The following LINC01488 variants were observed in gnomAD, a reference collection of about 807,000 sequenced individuals.
The protein encoded by LINC01488 is CCND1-upstream intergenic DNA repair 1.
intron 1 of LINC01488, chr11:69,490,405 G>C (rs1230112112): frequency 6.6e-6 from 1 of 152,318 alleles, no homozygotes; most frequent in Non-Finnish European, 1.5e-5. Flanking sequence ...CTTTCATCCA[G>C]TTCTTCTTGA....
Position 69,485,365 on chromosome 11 carries a change from G to T in LINC01488, n.122+3582G>T, listed in dbSNP as rs913056240. 7.9e-5 allele frequency among the ~76,000 whole-genome samples: 12 copies of T among 152,182 alleles called. 1 individual carries two copies. The highest frequency in any genetic ancestry group is 7.2e-4 in the Admixed American group (11 of 15,284). On this transcript the variant is annotated intron_variant and non_coding_transcript_variant, in intron 1 of 3. Transcript: ENST00000644563. The stretch of plus-strand genomic sequence containing the variant: ...GGGCTCAGGAGTTCTTGGAGTCAGG[G>T]TTGATGATGCCACTGACCTCACTGG...
intron 1 of LINC01488, among the ~76,000 whole-genome samples, chr11:69,486,668 C>A (rs1857125544): frequency 1.3e-5 from 2 of 152,158 alleles, no homozygotes; most frequent in Admixed American, 1.3e-4. Context: ...AGGGGACAGC[C>A]TATGGGGACA....
chr11:69,482,228 C>T (rs1455860483), intron 1 of LINC01488, among the ~76,000 whole-genome samples: 3 of 152,168 alleles, frequency 2.0e-5, no homozygotes, highest in African/African-American at 7.2e-5. Context: ...GGGGAACTCC[C>T]ATTTATAAAA....
chr11:69,487,850 A>T (rs1421590290), intron 1 of LINC01488: 1 of 152,184 alleles, frequency 6.6e-6, no homozygotes, highest in Non-Finnish European at 1.5e-5. Flanking sequence ...GCTTCCCCAC[A>T]GTGATAGCCT....
intron 1 of LINC01488, among the ~76,000 whole-genome samples, chr11:69,489,812 G>A (rs952267381): frequency 6.6e-6 from 1 of 152,232 alleles, no homozygotes; most frequent in African/African-American, 2.4e-5. Context: ...CCTCCCAGGG[G>A]CTGGCAGGCT....
intron 1 of LINC01488, among the ~76,000 whole-genome samples, chr11:69,486,567 G>A (rs1431904315): frequency 6.6e-6 from 1 of 152,246 alleles, no homozygotes; most frequent in Non-Finnish European, 1.5e-5. Flanking sequence ...CAGGGCCAGG[G>A]AAGCTGGAGG....
intron 1 of LINC01488, among the ~76,000 whole-genome samples, chr11:69,489,116 CA>C (rs1857172894): frequency 6.6e-6 from 1 of 152,200 alleles, no homozygotes; most frequent in Non-Finnish European, 1.5e-5. Flanking sequence ...CTGTGGCCCC[CA>C]AACGCCCCTC....
chr11:69,488,549 A>G (rs1178284684), intron 1 of LINC01488, among the ~76,000 whole-genome samples: 1 of 152,200 alleles, frequency 6.6e-6, no homozygotes, highest in Non-Finnish European at 1.5e-5. Context: ...CGCCTTTGTC[A>G]AACCCTGGAG....
intron 1 of LINC01488, among the ~76,000 whole-genome samples, chr11:69,486,756 C>T (rs545833345): frequency 3.9e-5 from 6 of 152,282 alleles, no homozygotes; most frequent in African/African-American, 7.2e-5. Flanking sequence ...TAAGCCCCCG[C>T]GATGGGTGGC....
chr11:69,484,634 G>A (rs1169183301), intron 1 of LINC01488, among the ~76,000 whole-genome samples: 1 of 152,242 alleles, frequency 6.6e-6, no homozygotes, highest in Non-Finnish European at 1.5e-5. Context: ...GTTTCTGGAA[G>A]GAGAAGAGGA....
At chr11:69,483,462 A>C (rs1488557912) in intron 1 of LINC01488, among the ~76,000 whole-genome samples, 1 of 152,240 alleles carries the variant, frequency 6.6e-6, no homozygotes, top group Non-Finnish European at 1.5e-5. Context: ...AATGAGGGAC[A>C]TTCATGGGAT....
At chr11:69,489,852 G>T (rs1277124358) in intron 1 of LINC01488, among the ~76,000 whole-genome samples, 1 of 152,178 alleles carries the variant, frequency 6.6e-6, no homozygotes, top group Admixed American at 6.5e-5. Context: ...GCCCTCTGTA[G>T]CCCCATCCCG....
At chr11:69,489,809 G>A (rs75221763) in intron 1 of LINC01488, among the ~76,000 whole-genome samples, 23,408 of 152,266 alleles carry the variant, frequency 0.15, 2,141 homozygotes, top group Admixed American at 0.24. Context: ...GAGCCTCCCA[G>A]GGGCTGGCAG....
intron 1 of LINC01488, among the ~76,000 whole-genome samples, chr11:69,489,325 C>T (rs995308300): frequency 1.3e-5 from 2 of 152,238 alleles, no homozygotes; most frequent in Non-Finnish European, 2.9e-5. Context: ...CAGGTCTTTC[C>T]TTCTGCCTCC....
chr11:69,484,523 C>G (rs12286543), intron 1 of LINC01488, among the ~76,000 whole-genome samples: 5,891 of 152,304 alleles, frequency 0.039, 390 homozygotes, highest in African/African-American at 0.13. Context: ...CCCAAGGACA[C>G]TTACAGAGGT....
At chr11:69,487,596 T>C (rs1357009816) in intron 1 of LINC01488, among the ~76,000 whole-genome samples, 1 of 152,154 alleles carries the variant, frequency 6.6e-6, no homozygotes, top group East Asian at 1.9e-4. Flanking sequence ...CCGTCGGTCA[T>C]GGCGCTGGGC....
intron 1 of LINC01488, among the ~76,000 whole-genome samples, chr11:69,483,661 T>C (rs1857069920): frequency 6.6e-6 from 1 of 152,182 alleles, no homozygotes; most frequent in Admixed American, 6.5e-5. Flanking sequence ...AGGGGGCTTT[T>C]GCTTAGCAGA....
chr11:69,487,847 C>T (rs1052313610), intron 1 of LINC01488: 1 of 152,374 alleles, frequency 6.6e-6, no homozygotes, highest in Admixed American at 6.5e-5. Flanking sequence ...TCTGCTTCCC[C>T]ACAGTGATAG....
chr11:69,486,499 G>T (rs531227792), intron 1 of LINC01488, among the ~76,000 whole-genome samples: 4 of 152,222 alleles, frequency 2.6e-5, no homozygotes, highest in Non-Finnish European at 5.9e-5. Flanking sequence ...TGTCTCTGCC[G>T]CAAGGGGCCC....
Sources: allele counts gnomAD v4.1 joint callset (sites outside exome capture counted in the v4.1 genomes callset), GRCh38; gene constraint gnomAD v4.1.1; transcripts MANE v1.5; gene names NCBI Gene and HGNC (gene_info 2026-07-23, HGNC 2026-07-21).